The following GRID2 variants were observed in gnomAD, a reference collection of about 807,000 sequenced individuals.
The protein encoded by GRID2 is glutamate receptor ionotropic, delta-2.
GRID2 carries 33 observed loss-of-function variants against 114.8 expected under a neutral mutation model. The ratio of observed to expected loss-of-function variants is 0.29; its 90% CI spans 0.22 to 0.38. The LOEUF (loss-of-function observed/expected upper bound fraction) is 0.38, where lower values mean the gene tolerates loss of function less well. Among genes scored for constraint, GRID2 ranks in the 10% least tolerant of loss-of-function variants. The probability of loss-of-function intolerance (pLI) is 1.00; values close to 1 mark genes in which losing one functional copy is unlikely to be tolerated. For missense variants in GRID2, 1,184 were observed against 1,257.7 expected, an observed-to-expected ratio of 0.94 and a Z score of 0.89; for synonymous variants, 505 against 449.9, an observed-to-expected ratio of 1.12 and a Z score of -1.55.
chr4:93,716,477 A>C (rs937247456), intron 14 of GRID2, among the ~76,000 whole-genome samples: 3 of 152,170 alleles, frequency 2.0e-5, no homozygotes, highest in Non-Finnish European at 4.4e-5. Context: ...TGTCAACAGA[A>C]TATATTAAGC....
intron 2 of GRID2, among the ~76,000 whole-genome samples, chr4:92,874,997 A>G (rs1745516708): frequency 1.3e-5 from 2 of 152,186 alleles, no homozygotes; most frequent in Non-Finnish European, 2.9e-5. Context: ...GTGTGTATCC[A>G]TAAAATCAGT....
intron 2 of GRID2, among the ~76,000 whole-genome samples, chr4:92,708,769 G>A (rs777240863): frequency 1.3e-5 from 2 of 152,022 alleles, no homozygotes; most frequent in Admixed American, 1.3e-4. Context: ...TCTACTAAAC[G>A]CAAAAAATTA....
At chr4:92,676,405 C>T (rs534937773) in intron 2 of GRID2, among the ~76,000 whole-genome samples, 2 of 152,144 alleles carry the variant, frequency 1.3e-5, no homozygotes, top group East Asian at 3.9e-4. Flanking sequence ...TGGTCTCGAT[C>T]TTCTGACCTC....
chr4:93,351,923 A>G (rs1234346997), intron 8 of GRID2, among the ~76,000 whole-genome samples: 2 of 151,986 alleles, frequency 1.3e-5, no homozygotes, highest in Non-Finnish European at 2.9e-5. Context: ...TAACAACATT[A>G]ACAGCTCCCA....
At chr4:92,772,414 T>C (rs1449146718) in intron 2 of GRID2, among the ~76,000 whole-genome samples, 1 of 152,132 alleles carries the variant, frequency 6.6e-6, no homozygotes, top group Non-Finnish European at 1.5e-5. Flanking sequence ...TCCTGCAGTT[T>C]ATGGCGTTTG....
At chr4:92,531,307 T>A (rs1182970068) in intron 1 of GRID2, among the ~76,000 whole-genome samples, 1 of 152,050 alleles carries the variant, frequency 6.6e-6, no homozygotes, top group Non-Finnish European at 1.5e-5. Flanking sequence ...GACCACGAGA[T>A]ATTCAGGTAT....
chr4:93,517,953 A>AC (rs377171969), intron 13 of GRID2, among the ~76,000 whole-genome samples: 62 of 41,736 alleles, frequency 1.5e-3, no homozygotes, highest in Admixed American at 2.4e-3. Flanking sequence ...ACATACATGT[A>AC]TATGTATGTA....
At chr4:92,750,696 T>C (rs1443146919) in intron 2 of GRID2, among the ~76,000 whole-genome samples, 1 of 152,194 alleles carries the variant, frequency 6.6e-6, no homozygotes, top group Non-Finnish European at 1.5e-5. Flanking sequence ...ATATCTTCTA[T>C]GTTACAAAAA....
At chr4:92,446,943 G>A (rs1304510828) in intron 1 of GRID2, among the ~76,000 whole-genome samples, 2 of 152,150 alleles carry the variant, frequency 1.3e-5, no homozygotes, top group African/African-American at 4.8e-5. Context: ...CAACAGATCT[G>A]CTATAAAGCC....
At chr4:92,524,159 G>A (rs1057145499) in intron 1 of GRID2, among the ~76,000 whole-genome samples, 4 of 151,980 alleles carry the variant, frequency 2.6e-5, no homozygotes, top group African/African-American at 9.7e-5. Context: ...GTAAACAAGG[G>A]TTGAGTACAA....
chr4:92,581,166 T>C lies in GRID2; in HGVS notation c.89-8965T>C, dbSNP rs1728166433. ...GCCTTTATACAAGAAAAAATCCAGATATTTGAGCTTTCACTGTCCAGTCCC... is the reference window on the plus strand; with the variant it reads ...GCCTTTATACAAGAAAAAATCCAGACATTTGAGCTTTCACTGTCCAGTCCC... On this transcript the variant is annotated intron_variant, in intron 1 of 15. Coordinates refer to ENST00000282020, the MANE Select transcript of GRID2 (RefSeq NM_001510.4). Among the ~76,000 whole-genome samples, 4 of 151,440 alleles carry C rather than the reference T, an allele frequency of 2.6e-5. No individual in the cohort carries two copies. The South Asian group carries it at 8.3e-4, about 31-fold the overall frequency.
chr4:93,411,263 CA>C, intron 9 of GRID2, among the ~76,000 whole-genome samples: 1 of 152,102 alleles, frequency 6.6e-6, no homozygotes, highest in African/African-American at 2.4e-5. Flanking sequence ...CATGAATACA[CA>C]AAAAGTTTTT....
At chr4:93,688,979 C>T (rs60111157) in intron 14 of GRID2, among the ~76,000 whole-genome samples, 7,604 of 151,958 alleles carry the variant, frequency 0.05, 623 homozygotes, top group African/African-American at 0.17. Context: ...TATTTAAAGA[C>T]GGGGTTTTTA....
At chr4:92,384,637 T>G (rs1729842529) in intron 1 of GRID2, among the ~76,000 whole-genome samples, 1 of 95,966 alleles carries the variant, frequency 1.0e-5, no homozygotes, top group Non-Finnish European at 2.0e-5. Context: ...ATATAATATA[T>G]ATTATATATA....
intron 8 of GRID2, among the ~76,000 whole-genome samples, chr4:93,393,328 T>A (rs1994253): frequency 6.6e-6 from 1 of 151,604 alleles, no homozygotes; most frequent in African/African-American, 2.4e-5. Context: ...AATGCTGTTA[T>A]CAAAGGATGT....
chr4:93,318,468 T>C (rs1756907979), intron 8 of GRID2, among the ~76,000 whole-genome samples: 1 of 152,074 alleles, frequency 6.6e-6, no homozygotes, highest in African/African-American at 2.4e-5. Flanking sequence ...AGCCACAAGA[T>C]AAAGATTTAG....
intron 4 of GRID2, among the ~76,000 whole-genome samples, chr4:93,192,852 A>G (rs1741122698): frequency 6.6e-6 from 1 of 152,120 alleles, no homozygotes; most frequent in South Asian, 2.1e-4. Context: ...GTCCATAAGA[A>G]CAAGCCTGCC....
chr4:93,665,753 G>A (rs1339137912), intron 14 of GRID2, among the ~76,000 whole-genome samples: 1 of 152,046 alleles, frequency 6.6e-6, no homozygotes, highest in Non-Finnish European at 1.5e-5. Flanking sequence ...TGCCATGATG[G>A]TTACATTTGT....
At chr4:92,869,597 A>T (rs1454066814) in intron 2 of GRID2, among the ~76,000 whole-genome samples, 1 of 152,132 alleles carries the variant, frequency 6.6e-6, no homozygotes, top group South Asian at 2.1e-4. Flanking sequence ...ATAAATAACA[A>T]CTGAGTTACC....
Sources: gnomAD v4.1 joint callset for allele counts (sites outside exome capture counted in the v4.1 genomes callset) on GRCh38, gnomAD v4.1.1 for gene constraint, MANE v1.5 for transcripts, NCBI Gene and HGNC (gene_info 2026-07-23, HGNC 2026-07-21) for gene names.